The following HERC5 variants were observed in gnomAD, a reference collection of about 807,000 sequenced individuals.
HERC5 encodes the protein E3 ISG15--protein ligase HERC5.
A neutral mutation model predicts 119.6 loss-of-function variants in HERC5; 99 were observed. That is an observed-to-expected ratio of 0.83 (90% confidence interval 0.70 to 0.98). The LOEUF is 0.98. HERC5 is among the 50% of genes least tolerant of loss of function. HERC5 has a pLI of 0.00. For synonymous variants in HERC5, 478 were observed against 445.9 expected, an observed-to-expected ratio of 1.07 and a Z score of -0.91; for missense variants, 1,267 against 1,241.3, an observed-to-expected ratio of 1.02 and a Z score of -0.31.
chr4:88,457,653 G>T, intron 1 of HERC5, 119 bp downstream of exon 1: 1 of 1,071,798 alleles, frequency 9.3e-7, no homozygotes, highest in South Asian at 4.7e-5. Context: ...GGCCGCAGAC[G>T]CGCGCCTGGC....
In HERC5 at chr4:88,489,471, C is replaced by G. The variant is rs538455189; in HGVS notation, c.2133+135C>G. On this transcript the variant is annotated intron_variant, in intron 16 of 22. Coordinates refer to ENST00000264350, the MANE Select transcript of HERC5 (RefSeq NM_016323.4). ...TGTTTATTTTAGGGTTCCTCTGATT[C>G]CCTAGTTGCCTTTGAGTTTTGGGTG... The G allele has an allele frequency of 1.9e-5, 16 of 820,992 alleles. No homozygotes were observed. In the South Asian group the frequency reaches 2.4e-4, roughly 12 times the overall value. 50.9% of individuals were successfully genotyped at this position (820,992 alleles called of 1,614,324 possible).
At chr4:88,482,168 G>A (rs987154594) in intron 13 of HERC5, among the ~76,000 whole-genome samples, 1 of 152,094 alleles carries the variant, frequency 6.6e-6, no homozygotes, top group Non-Finnish European at 1.5e-5. Flanking sequence ...AAGTTAGCTG[G>A]GTGTGGTGGC....
In HERC5 at chr4:88,467,176, A is replaced by C. The variant is rs370062005; in HGVS notation, c.1029A>C (p.Lys343Asn). Residue 343 changes from lysine (K) to asparagine (N), a missense_variant, in exon 7 of 23, where the codon AAA (lysine) becomes AAC (asparagine). By Grantham distance (94) the Lys-to-Asn change is moderately conservative. This residue lies in a region of HERC5 where 777 missense variants were observed against 758.0 expected (regional missense o/e 1.03). Coordinates refer to ENST00000264350, the MANE Select transcript of HERC5 (RefSeq NM_016323.4). ...ACCAGCTGATGCCGCTTCCAGTGAA[A>C]GTATCATCAAGTGAAGAACTCAAAC... The part of the protein sequence containing the change: ...TRDQLMPLPV[K>N]VSSSEELKLE... 1.9e-5 allele frequency: 31 copies of C among 1,614,216 alleles called. No individual in the cohort carries two copies. In the African/African-American group the frequency reaches 3.5e-4, roughly 18 times the overall value.
At position 88,470,627 on chromosome 4, in the gene HERC5, A is replaced by T; in HGVS notation, c.1252A>T (p.Ile418Leu). 1.3e-6 allele frequency: 2 copies of T among 1,512,074 alleles called. No homozygotes were observed. Among genetic ancestry groups the T allele is most frequent in the Non-Finnish European group, 1.8e-6 (2 of 1,092,566 alleles). 93.7% of individuals were successfully genotyped at this position (1,512,074 alleles called of 1,614,324 possible). The change falls in exon 10 of 23, where the codon ATA becomes TTA. Residue 418 changes from isoleucine to leucine, a missense_variant. This residue lies in a region of HERC5 where 777 missense variants were observed against 758.0 expected (regional missense o/e 1.03). Coordinates refer to ENST00000264350, the MANE Select transcript of HERC5 (RefSeq NM_016323.4). ...WQSTKREIQE[I>L]FSSPACLTGS... The stretch of plus-strand genomic sequence containing the variant: ...TTACTAATATAGGGAAATCCAAGAG[A>T]TATTTTCATCTCCTGCTTGTCTAAC...
intron 1 of HERC5, chr4:88,457,918 T>C (rs1164578417): frequency 3.0e-5 from 30 of 1,016,834 alleles, no homozygotes; most frequent in Non-Finnish European, 3.4e-5. Context: ...GCTCCAACTT[T>C]GGGAGTCGTT....
At chr4:88,460,321 A>G in intron 3 of HERC5, 150 bp downstream of exon 3, 2 of 459,144 alleles carry the variant, frequency 4.4e-6, no homozygotes, top group Non-Finnish European at 7.8e-6. Flanking sequence ...AAGTAAATAC[A>G]TAATGAGAGA....
At chr4:88,478,839 T>C (rs1741172449) in intron 12 of HERC5, among the ~76,000 whole-genome samples, 1 of 152,156 alleles carries the variant, frequency 6.6e-6, no homozygotes, top group Admixed American at 6.5e-5. Context: ...CTGGAACTGC[T>C]GAGCTCAGAC....
At chr4:88,474,206 G>A (rs764275926) in intron 11 of HERC5, among the ~76,000 whole-genome samples, 2 of 152,174 alleles carry the variant, frequency 1.3e-5, no homozygotes, top group East Asian at 1.9e-4. Flanking sequence ...CACTGTCTTC[G>A]CTAGTGCCTG....
In HERC5 at chr4:88,498,547, A is replaced by T. The variant is rs542406088; in HGVS notation, c.2445-1379A>T. ...CTTTTGAAATGGGAATGTCTATCCT[A>T]TGCCTGTTCCACTGTTGTATTTTAT... On this transcript the variant is annotated intron_variant, in intron 18 of 22. Transcript: ENST00000264350. 2.0e-5 allele frequency among the ~76,000 whole-genome samples: 3 copies of T among 152,208 alleles called. No homozygotes were observed. In the East Asian group the frequency reaches 5.8e-4, roughly 29 times the overall value.
intron 10 of HERC5, among the ~76,000 whole-genome samples, 158 bp from the exon 11 acceptor site, chr4:88,472,251 A>C (rs976623456): frequency 3.3e-5 from 5 of 152,196 alleles, no homozygotes; most frequent in Non-Finnish European, 5.9e-5. Context: ...ATTTTAGAAA[A>C]AATCATGTTT....
chr4:88,485,814 G>A (rs1741438404), intron 13 of HERC5, among the ~76,000 whole-genome samples: 1 of 151,706 alleles, frequency 6.6e-6, no homozygotes, highest in Admixed American at 6.6e-5. Context: ...GGACCCCAGA[G>A]TACTTTGGGA....
chr4:88,490,725 T>C (rs1741609314), intron 16 of HERC5, among the ~76,000 whole-genome samples: 1 of 152,088 alleles, frequency 6.6e-6, no homozygotes, highest in South Asian at 2.1e-4. Context: ...GCGCCTGTAA[T>C]CCCAGCTGCT....
At chr4:88,490,811 C>T (rs1741611769) in intron 16 of HERC5, among the ~76,000 whole-genome samples, 1 of 152,126 alleles carries the variant, frequency 6.6e-6, no homozygotes, top group South Asian at 2.1e-4. Context: ...CCCCACTGCA[C>T]TCTAGCCTGG....
At chr4:88,485,578 TACTA>T (rs1170031725) in intron 13 of HERC5, among the ~76,000 whole-genome samples, 1 of 152,236 alleles carries the variant, frequency 6.6e-6, no homozygotes, top group Admixed American at 6.5e-5. Flanking sequence ...CCAAGTCAAA[TACTA>T]ACAGTCACTA....
intron 16 of HERC5, among the ~76,000 whole-genome samples, chr4:88,489,958 G>A (rs889866294): frequency 8.6e-5 from 13 of 151,980 alleles, no homozygotes; most frequent in East Asian, 1.9e-4. Flanking sequence ...GCAATGAGCC[G>A]AGATCATGCC....
In HERC5 at chr4:88,462,101, G is replaced by A. The variant is rs148209752; in HGVS notation, c.467-34G>A. 6.4e-4 allele frequency: 995 copies of A among 1,561,592 alleles called. 5 individuals are homozygous for A. The African/African-American group carries it at 9.7e-3, about 15-fold the overall frequency. ...GGGTAATGTCTGCTGCATTTTAAAT[G>A]GAATAAAACAGCATTTGCTTTGTTT... On this transcript the variant is annotated intron_variant, in intron 3 of 22. Coordinates refer to ENST00000264350, the MANE Select transcript of HERC5 (RefSeq NM_016323.4).
At chr4:88,499,337 A>AT (rs1387147859) in intron 18 of HERC5, among the ~76,000 whole-genome samples, 3 of 152,238 alleles carry the variant, frequency 2.0e-5, no homozygotes. Flanking sequence ...GTGTTATTTC[A>AT]AAAGCATGTA....
chr4:88,493,115 T>C lies in HERC5; in HGVS notation c.2237T>C (p.Met746Thr), dbSNP rs778807481. Residue 746 changes from methionine to threonine, a missense_variant, in exon 17 of 23, where the codon ATG (methionine) becomes ACG (threonine). Physicochemically the swap from Met to Thr is moderately conservative, Grantham distance 81 (BLOSUM62 -1). Coordinates refer to ENST00000264350, the MANE Select transcript of HERC5 (RefSeq NM_016323.4). Reference protein sequence around the residue: ...EMIQPEYGMFMYPEGASCMWF... With the variant: ...EMIQPEYGMFTYPEGASCMWF... ...ATCCAGCCGGAATATGGGATGTTCA[T>C]GTATCCTGAAGGGGCTTCCTGCATG... 19 of 1,614,000 alleles carry C rather than the reference T, an allele frequency of 1.2e-5. No homozygotes were observed. Among genetic ancestry groups the C allele is most frequent in the Non-Finnish European group, 1.5e-5 (18 of 1,180,000 alleles).
At position 88,469,361 on chromosome 4, in the gene HERC5, C is replaced by T. The variant is rs980349169; in HGVS notation, c.1238+101C>T. The T allele has an allele frequency of 1.2e-5, 9 of 768,178 alleles. No individual in the cohort carries two copies. In the African/African-American group the frequency reaches 1.6e-4, roughly 13 times the overall value. The allele number at this position is 768,178 out of a possible 1,614,324, so 47.6% of individuals were successfully genotyped here. A position where few individuals can be genotyped will look rare whatever the true frequency, so the allele number is the denominator to read the frequency against. ...TATGAGATTTTGTAGTCAGGGTTTT[C>T]CAGAGAAACAAACTCATAGGATATG... On this transcript the variant is annotated intron_variant, in intron 9 of 22. Coordinates refer to ENST00000264350, the MANE Select transcript of HERC5 (RefSeq NM_016323.4).
Sources: allele counts gnomAD v4.1 joint callset (sites outside exome capture counted in the v4.1 genomes callset), GRCh38; gene constraint gnomAD v4.1.1; regional missense constraint gnomAD v4.1.1; transcripts MANE v1.5; gene names NCBI Gene and HGNC (gene_info 2026-07-23, HGNC 2026-07-21).